ROBO2: variants seen among roughly 807,000 people sequenced by gnomAD.
The protein encoded by ROBO2 is roundabout guidance receptor 2.
A neutral mutation model predicts 160.8 loss-of-function variants in ROBO2; 53 were observed. That is an observed-to-expected ratio of 0.33 (90% CI 0.26 to 0.41). ROBO2 has a LOEUF of 0.41. Among genes scored for constraint, ROBO2 ranks in the 10% least tolerant of loss-of-function variants. ROBO2 has a pLI of 1.00. For missense variants in ROBO2, 1,577 were observed against 1,722.4 expected (o/e 0.92, Z 1.49); for synonymous variants, 664 against 611.7 (o/e 1.09, Z -1.26).
At chr3:76,834,053 C>T (rs200306096) in intron 2 of ROBO2, among the ~76,000 whole-genome samples, 4,129 of 55,368 alleles carry the variant, frequency 0.075, 227 homozygotes, top group East Asian at 0.18. Context: ...TCTTTCTCTC[C>T]TTTCTTTCTT....
intron 2 of ROBO2, among the ~76,000 whole-genome samples, chr3:77,168,387 C>T (rs2079301293): frequency 6.6e-6 from 1 of 152,106 alleles, no homozygotes; most frequent in African/African-American, 2.4e-5. Context: ...ATCTGGCCTC[C>T]ATTGGTAGTA....
At chr3:77,583,560 T>C (rs1039296591) in intron 16 of ROBO2, among the ~76,000 whole-genome samples, 1 of 152,144 alleles carries the variant, frequency 6.6e-6, no homozygotes, top group Non-Finnish European at 1.5e-5. Context: ...TTCCATGTAA[T>C]CATTTATTAT....
intron 21 of ROBO2, among the ~76,000 whole-genome samples, chr3:77,612,739 G>A (rs1048891795): frequency 6.6e-6 from 1 of 152,112 alleles, no homozygotes; most frequent in Non-Finnish European, 1.5e-5. Context: ...GAGGTTAGGA[G>A]ATCGTGACCA....
At chr3:77,587,872 G>A (rs2094093053) in intron 16 of ROBO2, among the ~76,000 whole-genome samples, 1 of 151,968 alleles carries the variant, frequency 6.6e-6, no homozygotes, top group Non-Finnish European at 1.5e-5. Flanking sequence ...TTAATTCCCA[G>A]CATCTACATT....
At chr3:76,499,015 T>A (rs2080315817) in intron 2 of ROBO2, among the ~76,000 whole-genome samples, 1 of 152,160 alleles carries the variant, frequency 6.6e-6, no homozygotes, top group Non-Finnish European at 1.5e-5. Context: ...CATGAGTCTG[T>A]ATACACCCCA....
At chr3:76,306,031 A>C (rs1576336783) in intron 2 of ROBO2, among the ~76,000 whole-genome samples, 1 of 151,900 alleles carries the variant, frequency 6.6e-6, no homozygotes, top group Non-Finnish European at 1.5e-5. Flanking sequence ...TGTGAGTTGC[A>C]CTCTTTCAAC....
chr3:76,412,368 A>C (rs566049042), intron 2 of ROBO2, among the ~76,000 whole-genome samples: 1 of 152,286 alleles, frequency 6.6e-6, no homozygotes, highest in East Asian at 1.9e-4. Flanking sequence ...CTCACATTTC[A>C]AAACCAATCA....
intron 2 of ROBO2, among the ~76,000 whole-genome samples, chr3:76,513,700 T>A (rs898338130): frequency 6.6e-6 from 1 of 152,188 alleles, no homozygotes; most frequent in African/African-American, 2.4e-5. Flanking sequence ...AATTTGAAAA[T>A]TTTCAAATGT....
intron 2 of ROBO2, among the ~76,000 whole-genome samples, chr3:77,128,572 G>A (rs1352311276): frequency 6.6e-6 from 1 of 152,068 alleles, no homozygotes; most frequent in Non-Finnish European, 1.5e-5. Context: ...ATTTTTTTCA[G>A]ATTGCTGGTG....
At chr3:76,687,204 T>A (rs2092703600) in intron 2 of ROBO2, among the ~76,000 whole-genome samples, 1 of 152,032 alleles carries the variant, frequency 6.6e-6, no homozygotes, top group Non-Finnish European at 1.5e-5. Flanking sequence ...AGCACAGAGG[T>A]CAATAATACA....
At position 76,454,441 on chromosome 3, in the gene ROBO2, C is replaced by G. The variant is rs576297645; in HGVS notation, c.109+516839C>G. On this transcript the variant is annotated intron_variant, in intron 2 of 26. Transcript: ENST00000487694. ...GAAAACATGTAGGAAATCCAGGCATCTGCTCAACCTCAACTGATTGTAACT... is the reference window on the plus strand; with the variant it reads ...GAAAACATGTAGGAAATCCAGGCATGTGCTCAACCTCAACTGATTGTAACT... Among the ~76,000 whole-genome samples, 6 of 152,256 alleles carry G rather than the reference C, an allele frequency of 3.9e-5. No individual in the cohort carries two copies. The South Asian group carries it at 6.2e-4, about 16-fold the overall frequency.
chr3:76,663,735 T>C (rs1224715799), intron 2 of ROBO2, among the ~76,000 whole-genome samples: 3 of 152,096 alleles, frequency 2.0e-5, no homozygotes, highest in East Asian at 1.9e-4. Context: ...GACCTAATTG[T>C]GTAAAGCAAA....
intron 2 of ROBO2, among the ~76,000 whole-genome samples, chr3:76,895,523 G>C (rs1036177412): frequency 2.4e-4 from 36 of 151,974 alleles, no homozygotes; most frequent in African/African-American, 6.5e-4. Context: ...TGATTATTGT[G>C]TGAAGTCTAT....
At chr3:77,195,571 GA>G (rs775436624) in intron 2 of ROBO2, among the ~76,000 whole-genome samples, 12 of 152,172 alleles carry the variant, frequency 7.9e-5, no homozygotes, top group Non-Finnish European at 1.8e-4. Context: ...AAAGTTCCTG[GA>G]AGTATAGTTC....
chr3:76,313,217 G>A (rs1444463293), intron 2 of ROBO2, among the ~76,000 whole-genome samples: 1 of 152,194 alleles, frequency 6.6e-6, no homozygotes, highest in East Asian at 1.9e-4. Flanking sequence ...GCCTCTGTTT[G>A]TTACTGTATA....
intron 2 of ROBO2, among the ~76,000 whole-genome samples, chr3:76,777,155 A>C (rs1233664395): frequency 6.6e-6 from 1 of 151,092 alleles, no homozygotes; most frequent in African/African-American, 2.4e-5. Context: ...AAAATAGTAG[A>C]ATTAATTAGA....
intron 2 of ROBO2, among the ~76,000 whole-genome samples, chr3:76,158,140 C>G (rs2072481081): frequency 2.6e-5 from 4 of 152,140 alleles, no homozygotes; most frequent in African/African-American, 9.7e-5. Flanking sequence ...CCATCTAGGA[C>G]TACAGCAGAA....
At chr3:76,912,074 A>G (rs1386717705) in intron 2 of ROBO2, among the ~76,000 whole-genome samples, 1 of 152,226 alleles carries the variant, frequency 6.6e-6, no homozygotes, top group Non-Finnish European at 1.5e-5. Context: ...CTAAAAGCCT[A>G]ATAAATAAGA....
At chr3:77,601,741 C>T (rs2094434343) in intron 19 of ROBO2, among the ~76,000 whole-genome samples, 1 of 152,162 alleles carries the variant, frequency 6.6e-6, no homozygotes, top group Non-Finnish European at 1.5e-5. Flanking sequence ...AAAAAATATA[C>T]TTCATAGTCG....
Sources: gnomAD v4.1 joint callset for allele counts (sites outside exome capture counted in the v4.1 genomes callset) on GRCh38, gnomAD v4.1.1 for gene constraint, MANE v1.5 for transcripts, NCBI Gene and HGNC (gene_info 2026-07-23, HGNC 2026-07-21) for gene names.